Variants in SYT3 observed in about 807,000 individuals in gnomAD.
SYT3 encodes the protein synaptotagmin-3.
A neutral mutation model predicts 50.6 loss-of-function variants in SYT3; 25 were observed. The ratio of observed to expected loss-of-function variants is 0.49; its 90% CI spans 0.36 to 0.69. SYT3 has a LOEUF of 0.69. SYT3 is among the 30% of genes least tolerant of loss of function. The pLI is 0.00. For missense variants in SYT3, 589 were observed against 793.6 expected, an observed-to-expected ratio of 0.74 and a Z score of 3.10; for synonymous variants, 323 against 353.9, an observed-to-expected ratio of 0.91 and a Z score of 0.98.
At chr19:50,628,404 A>C (rs1275344478) in intron 6 of SYT3, among the ~76,000 whole-genome samples, 1 of 152,104 alleles carries the variant, frequency 6.6e-6, no homozygotes, top group Non-Finnish European at 1.5e-5. Context: ...GGGCCCTATA[A>C]TCTGGATGCT....
At position 50,629,294 on chromosome 19, in the gene SYT3, C is replaced by T. The variant is rs778913847; in HGVS notation, c.1281G>A (p.Ser427=). 72 of 1,591,388 alleles carry T rather than the reference C, an allele frequency of 4.5e-5. No homozygotes were observed. The highest frequency in any genetic ancestry group is 5.8e-5 in the Non-Finnish European group (68 of 1,165,600). Residue 427 remains serine, a splice_region_variant and synonymous_variant, in exon 6 of 11, where the codon TCG becomes TCA. Transcript: ENST00000600079. ...AAGGTCAGGGGAGAGGGCCACTGAC[C>T]GAGCCGCCCTCCACGATGTCCCTCC... ...PLWRDIVEGG[S]EKADLGELNF... is the part of the protein sequence containing the mutation.
chr19:50,637,258 G>T lies in SYT3; in HGVS notation c.148+6C>A, dbSNP rs1037512461. ...GGGGCTGGCCAAGACAGGCAGGGGT[G>T]CTGACCTGCATCTGGACCCCGGGGA... is the stretch of plus-strand genomic sequence containing the variant. On this transcript the variant is annotated splice_donor_region_variant and intron_variant, in intron 3 of 10. Transcript: ENST00000600079. The surrounding 1 kb of genome is among the most constrained non-coding windows in gnomAD (Gnocchi z 4.9). The T allele has an allele frequency of 4.3e-6, 7 of 1,612,300 alleles. No homozygotes were observed. In the African/African-American group the frequency reaches 8.0e-5, roughly 18 times the overall value.
rs1466318321 is a variant in SYT3, at chr19:50,625,322, G to A, written c.1575-28C>T. The A allele has an allele frequency of 6.5e-7, 1 of 1,533,616 alleles. No homozygotes were observed. The highest frequency in any genetic ancestry group is 8.8e-7 in the Non-Finnish European group (1 of 1,141,360). On this transcript the variant is annotated intron_variant, in intron 8 of 10. Coordinates refer to ENST00000600079, the MANE Select transcript of SYT3 (RefSeq NM_001160329.2). This position sits in a 1 kb window ranked among gnomAD's most constrained non-coding sequence, Gnocchi z 7.5. ...GGGGGTTGGGGTCAGTGAGGACCGT[G>A]GAGGGTGGTGGGAGGGCCTGTCCCC...
intron 6 of SYT3, among the ~76,000 whole-genome samples, chr19:50,628,276 A>G (rs569819805): frequency 6.6e-6 from 1 of 152,224 alleles, no homozygotes; most frequent in African/African-American, 2.4e-5. Flanking sequence ...GGTGGGGCAG[A>G]AGAGCTCAGG....
At chr19:50,628,927 G>A (rs954783330) in intron 6 of SYT3, among the ~76,000 whole-genome samples, 3 of 151,106 alleles carry the variant, frequency 2.0e-5, no homozygotes, top group African/African-American at 7.3e-5. Flanking sequence ...TGGTGCAAGC[G>A]ATTCTCCTGC....
the SYT3 span, among the ~76,000 whole-genome samples, chr19:50,656,953 A>T: frequency 6.8e-6 from 1 of 146,842 alleles, no homozygotes; most frequent in African/African-American, 2.7e-5. Flanking sequence ...CTCTGTCAAA[A>T]AAAAAAGGAA....
At chr19:50,634,428 T>A (rs996355898) in intron 3 of SYT3, among the ~76,000 whole-genome samples, 1 of 152,206 alleles carries the variant, frequency 6.6e-6, no homozygotes, top group African/African-American at 2.4e-5. Context: ...TTAATCCTTA[T>A]GACATTATAT....
chr19:50,628,677 TG>T (rs1984161420), intron 6 of SYT3, among the ~76,000 whole-genome samples: 1 of 151,888 alleles, frequency 6.6e-6, no homozygotes, highest in Non-Finnish European at 1.5e-5. Context: ...GTAAGAAGTC[TG>T]GGGTGAGAGG....
the SYT3 span, among the ~76,000 whole-genome samples, chr19:50,656,829 G>A: frequency 1.3e-5 from 2 of 152,092 alleles, no homozygotes; most frequent in East Asian, 3.9e-4. Flanking sequence ...GCAGGTGGCT[G>A]GAATCCCAGC....
Position 50,622,230 on chromosome 19 carries a change from C to T in SYT3, c.*255G>A, listed in dbSNP as rs1305514666. The T allele has an allele frequency of 1.3e-5, 2 of 154,228 alleles. No homozygotes were observed. Among genetic ancestry groups the T allele is most frequent in the Non-Finnish European group, 2.8e-5 (2 of 70,402 alleles). 9.6% of individuals were successfully genotyped at this position (154,228 alleles called of 1,614,324 possible). A position where few individuals can be genotyped will look rare whatever the true frequency, so the allele number is the denominator to read the frequency against. On this transcript the variant is annotated 3_prime_UTR_variant, in exon 11 of 11. Coordinates refer to ENST00000600079, the MANE Select transcript of SYT3 (RefSeq NM_001160329.2). ...GCAGGGGTCCCCCAGACATGCATGG[C>T]CCCTCGCCTCGAGGGGGAGCCCCAG...
the SYT3 span, among the ~76,000 whole-genome samples, chr19:50,645,741 C>T: frequency 5.3e-5 from 8 of 151,974 alleles, no homozygotes; most frequent in Non-Finnish European, 1.2e-4. Context: ...ATTAGCCAGG[C>T]GTGGTGTGTG....
chr19:50,658,093 G>C, the SYT3 span: 5 of 1,535,886 alleles, frequency 3.3e-6, no homozygotes, highest in Non-Finnish European at 3.5e-6. Flanking sequence ...TTGAGAACAT[G>C]AACGTCATCT....
In SYT3 at chr19:50,637,102, C is replaced by A. The variant is rs1235904150; in HGVS notation, c.148+162G>T. ...AAAAGCAGACCACACAGCTCCTTCC[C>A]CTTGGATCAGAGATTTGGGAGAAGG... On this transcript the variant is annotated intron_variant, in intron 3 of 10. Transcript: ENST00000600079. This position sits in a 1 kb window ranked among gnomAD's most constrained non-coding sequence, Gnocchi z 4.9. Among the ~76,000 whole-genome samples, 1 of 152,088 alleles carries A rather than the reference C, an allele frequency of 6.6e-6. No homozygotes were observed. Among genetic ancestry groups the A allele is most frequent in the African/African-American group, 2.4e-5 (1 of 41,394 alleles).
chr19:50,633,949 A>T (rs1984410398), intron 3 of SYT3, among the ~76,000 whole-genome samples: 1 of 152,208 alleles, frequency 6.6e-6, no homozygotes, highest in African/African-American at 2.4e-5. Flanking sequence ...ATCACACCTC[A>T]ACGCTTCCCA....
the SYT3 span, among the ~76,000 whole-genome samples, chr19:50,655,606 G>A: frequency 0.011 from 1,699 of 151,490 alleles, 34 homozygotes; most frequent in African/African-American, 0.04. Flanking sequence ...CCGAGATTGC[G>A]CCACTGCACT....
chr19:50,657,083 C>T, the SYT3 span, among the ~76,000 whole-genome samples: 1 of 151,876 alleles, frequency 6.6e-6, no homozygotes. Flanking sequence ...ACTGGTCCTC[C>T]CTGCCTTCAA....
At chr19:50,624,455 A>T (rs1020766097) in intron 9 of SYT3, among the ~76,000 whole-genome samples, 1 of 152,184 alleles carries the variant, frequency 6.6e-6, no homozygotes, top group African/African-American at 2.4e-5. Flanking sequence ...AAATCTGCCA[A>T]TAACACTTTC....
chr19:50,631,607 T>G (rs1054007986), intron 4 of SYT3, among the ~76,000 whole-genome samples: 9 of 152,278 alleles, frequency 5.9e-5, no homozygotes, highest in Middle Eastern at 3.4e-3. Flanking sequence ...TCCTTTCACC[T>G]GGAATGCCCA....
chr19:50,627,330 C>G (rs977811393), intron 6 of SYT3, among the ~76,000 whole-genome samples: 1 of 152,200 alleles, frequency 6.6e-6, no homozygotes, highest in African/African-American at 2.4e-5. Flanking sequence ...TCCCCATAAC[C>G]CTGGCCCCTG....
Sources: allele counts gnomAD v4.1 joint callset (sites outside exome capture counted in the v4.1 genomes callset), GRCh38; gene constraint gnomAD v4.1.1; non-coding constraint Gnocchi (gnomAD v3.1); transcripts MANE v1.5; gene names NCBI Gene and HGNC (gene_info 2026-07-23, HGNC 2026-07-21).